The following CPEB3 variants were observed in gnomAD, a reference collection of about 807,000 sequenced individuals.
The protein encoded by CPEB3 is cytoplasmic polyadenylation element binding protein 3, also known as cytoplasmic polyadenylation element-binding protein 3.
In CPEB3, 20 loss-of-function variants were observed where a neutral mutation model predicts 67.2. The ratio of observed to expected loss-of-function variants is 0.30; its 90% confidence interval spans 0.21 to 0.43. The LOEUF is 0.43. Among genes scored for constraint, CPEB3 ranks in the 20% least tolerant of loss-of-function variants. The pLI, the probability that CPEB3 is intolerant of heterozygous loss-of-function variation, is 1.00. For missense variants in CPEB3, 746 were observed against 968.6 expected (o/e 0.77, Z 3.05); for synonymous variants, 376 against 393.1 (o/e 0.96, Z 0.51).
At chr10:92,089,559 G>T (rs1212127976) in intron 8 of CPEB3, among the ~76,000 whole-genome samples, 1 of 152,108 alleles carries the variant, frequency 6.6e-6, no homozygotes, top group Non-Finnish European at 1.5e-5. Context: ...GGCCGAGGCG[G>T]GTGAATCATG....
intron 2 of CPEB3, among the ~76,000 whole-genome samples, chr10:92,222,059 A>G (rs1328264881): frequency 6.6e-6 from 1 of 152,126 alleles, no homozygotes; most frequent in Admixed American, 6.6e-5. Flanking sequence ...TTCCAGATTA[A>G]TCTCTGTGTT....
intron 3 of CPEB3, among the ~76,000 whole-genome samples, chr10:92,184,628 C>T (rs568824335): frequency 1.3e-5 from 2 of 152,138 alleles, no homozygotes; most frequent in South Asian, 2.1e-4. Context: ...AGAAAAGACA[C>T]TCTGGGTCGA....
rs571949267 is a variant in CPEB3, at chr10:92,230,006, A to G, written c.1005+9340T>C. On this transcript the variant is annotated intron_variant, in intron 2 of 9. Coordinates refer to ENST00000265997, the MANE Select transcript of CPEB3 (RefSeq NM_014912.5). ...GGTTGCGGTGAGCCGAGATCGCACC[A>G]TTGCACTCCAGCCTAGGCAACGAGA... Among the ~76,000 whole-genome samples, 102 of 152,142 alleles carry G rather than the reference A, an allele frequency of 6.7e-4. No individual in the cohort carries two copies. In the South Asian group the frequency reaches 0.012, roughly 17 times the overall value.
At chr10:92,186,600 A>G (rs1848704630) in intron 3 of CPEB3, among the ~76,000 whole-genome samples, 2 of 151,830 alleles carry the variant, frequency 1.3e-5, no homozygotes, top group African/African-American at 4.8e-5. Context: ...ACACCTGGCT[A>G]ATTTTCGTAT....
At chr10:92,287,246 A>T (rs1842574500) in intron 1 of CPEB3, among the ~76,000 whole-genome samples, 1 of 151,816 alleles carries the variant, frequency 6.6e-6, no homozygotes. Context: ...CTCCTATCTC[A>T]GCCTCCTGAG....
intron 7 of CPEB3, among the ~76,000 whole-genome samples, chr10:92,103,135 G>A (rs566671191): frequency 1.3e-5 from 2 of 152,296 alleles, no homozygotes; most frequent in South Asian, 4.1e-4. Context: ...ACCTTCCAGG[G>A]GTAGGAAAAT....
intron 1 of CPEB3, among the ~76,000 whole-genome samples, chr10:92,283,722 CTTTT>C (rs869248048): frequency 6.4e-5 from 7 of 108,938 alleles, no homozygotes; most frequent in African/African-American, 1.6e-4. Context: ...CTTTTTCTTT[CTTTT>C]TTTTTTTTTT....
At chr10:92,073,020 T>A (rs781657627) in intron 9 of CPEB3, among the ~76,000 whole-genome samples, 12 of 144,338 alleles carry the variant, frequency 8.3e-5, no homozygotes, top group Non-Finnish European at 1.4e-4. Flanking sequence ...AAGTAAAAAC[T>A]AAGGCATGAA....
chr10:92,117,881 G>C (rs992954143), intron 6 of CPEB3, among the ~76,000 whole-genome samples: 2 of 151,958 alleles, frequency 1.3e-5, no homozygotes, highest in Non-Finnish European at 2.9e-5. Context: ...TATCCTCACA[G>C]TAACTCTATG....
chr10:92,095,406 G>A (rs1438383691), intron 7 of CPEB3, among the ~76,000 whole-genome samples: 1 of 151,788 alleles, frequency 6.6e-6, no homozygotes, highest in Non-Finnish European at 1.5e-5. Flanking sequence ...TATATACTAA[G>A]CAAAAAATAA....
chr10:92,242,620 C>T (rs1333993360), intron 1 of CPEB3, among the ~76,000 whole-genome samples: 1 of 152,132 alleles, frequency 6.6e-6, no homozygotes, highest in African/African-American at 2.4e-5. Flanking sequence ...TATCACTCTG[C>T]TTTTCCGGTT....
chr10:92,256,705 G>A (rs892617801), intron 1 of CPEB3, among the ~76,000 whole-genome samples: 3 of 152,076 alleles, frequency 2.0e-5, no homozygotes, highest in Middle Eastern at 3.2e-3. Flanking sequence ...TCTTCTACAC[G>A]TACTCTTCCC....
At chr10:92,290,154 T>C (rs1016155376) in intron 1 of CPEB3, among the ~76,000 whole-genome samples, 2 of 152,136 alleles carry the variant, frequency 1.3e-5, no homozygotes, top group Admixed American at 1.3e-4. Flanking sequence ...AAACACCTTG[T>C]AGCAGATATT....
chr10:92,063,979 T>C (rs982300635), intron 9 of CPEB3, among the ~76,000 whole-genome samples: 1 of 151,842 alleles, frequency 6.6e-6, no homozygotes, highest in Non-Finnish European at 1.5e-5. Context: ...AAGTGTAGTA[T>C]TGGGTCAAAA....
chr10:92,149,970 T>C (rs1337531157), intron 4 of CPEB3, among the ~76,000 whole-genome samples: 1 of 152,208 alleles, frequency 6.6e-6, no homozygotes, highest in Non-Finnish European at 1.5e-5. Context: ...CCAAGTTCAA[T>C]CAAGTTAAGG....
chr10:92,105,244 T>C (rs1844388939), intron 7 of CPEB3, among the ~76,000 whole-genome samples: 1 of 152,220 alleles, frequency 6.6e-6, no homozygotes, highest in Admixed American at 6.5e-5. Flanking sequence ...AGTTATGTGT[T>C]AAGAGGTACT....
At chr10:92,129,695 G>A (rs1845755523) in intron 6 of CPEB3, among the ~76,000 whole-genome samples, 1 of 152,156 alleles carries the variant, frequency 6.6e-6, no homozygotes, top group South Asian at 2.1e-4. Context: ...TGGGAGACTA[G>A]ATCAATTTAG....
At chr10:92,083,310 G>T (rs2133230471) in intron 8 of CPEB3, among the ~76,000 whole-genome samples, 1 of 152,292 alleles carries the variant, frequency 6.6e-6, no homozygotes, top group African/African-American at 2.4e-5. Context: ...TACCACTATG[G>T]TCAGAATTAC....
chr10:92,152,300 C>A (rs1847001358), intron 4 of CPEB3, among the ~76,000 whole-genome samples: 2 of 152,194 alleles, frequency 1.3e-5, no homozygotes, highest in Admixed American at 6.5e-5. Context: ...GGTTTTCCCC[C>A]AACCTCTCAG....
Sources: allele counts gnomAD v4.1 joint callset (sites outside exome capture counted in the v4.1 genomes callset), GRCh38; gene constraint gnomAD v4.1.1; transcripts MANE v1.5; gene names NCBI Gene and HGNC (gene_info 2026-07-23, HGNC 2026-07-21).